Variants in SENP2 observed in about 807,000 individuals in gnomAD.
The protein encoded by SENP2 is SUMO specific peptidase 2.
Under a neutral mutation model 86.3 loss-of-function variants are expected in SENP2, and 16 were observed. The ratio of observed to expected loss-of-function variants is 0.19; its 90% confidence interval spans 0.13 to 0.28. The LOEUF (loss-of-function observed/expected upper bound fraction) is 0.28, where lower values mean the gene tolerates loss of function less well. Among genes scored for constraint, SENP2 ranks in the 10% least tolerant of loss-of-function variants. SENP2 has a pLI of 1.00. For missense variants in SENP2, 552 were observed against 703.0 expected (o/e 0.79, Z 2.43); for synonymous variants, 222 against 238.7 (o/e 0.93, Z 0.64).
intron 16 of SENP2, 90 bp from the exon 17 acceptor site, chr3:185,629,692 A>G: frequency 8.0e-7 from 1 of 1,251,580 alleles, no homozygotes; most frequent in Non-Finnish European, 1.2e-6. Flanking sequence ...GCACATGGAC[A>G]TCCTGCTTTA....
In SENP2 at chr3:185,590,185, T is replaced by G. The variant is rs755311311; in HGVS notation, c.157+16T>G. 2 of 1,408,804 alleles carry G rather than the reference T, an allele frequency of 1.4e-6. No individual in the cohort carries two copies. The highest frequency in any genetic ancestry group is 1.4e-5 in the South Asian group (1 of 70,742). The allele number at this position is 1,408,804 out of a possible 1,614,324, so 87.3% of individuals were successfully genotyped here. A position where few individuals can be genotyped will look rare whatever the true frequency, so the allele number is the denominator to read the frequency against. On this transcript the variant is annotated intron_variant, in intron 2 of 16. Coordinates refer to ENST00000296257, the MANE Select transcript of SENP2 (RefSeq NM_021627.3). ...CCAAGATTAGGTACTGAATATAAAT[T>G]TTAAAAATTTTTAGTTTTTAAATAG...
In SENP2 at chr3:185,626,363, T is replaced by C. The variant is rs1342131651; in HGVS notation, c.1677T>C (p.Ile559=). The C allele has an allele frequency of 6.2e-7, 1 of 1,611,484 alleles. No individual in the cohort carries two copies. The highest frequency in any genetic ancestry group is 8.5e-7 in the Non-Finnish European group (1 of 1,177,764). Residue 559 remains isoleucine (I), a synonymous_variant, in exon 16 of 17, where the codon ATT becomes ATC. Coordinates refer to ENST00000296257, the MANE Select transcript of SENP2 (RefSeq NM_021627.3). ...TTACTTGTAAATATGCAGATTATAT[T>C]TCTAGGGACAAACCTATCACATTTA... is the stretch of plus-strand genomic sequence containing the variant. ...GMFTCKYADY[I]SRDKPITFTQ... is the part of the protein sequence containing the mutation.
chr3:185,603,923 A>G (rs944542288), intron 5 of SENP2, among the ~76,000 whole-genome samples: 16 of 152,060 alleles, frequency 1.1e-4, no homozygotes, highest in African/African-American at 3.9e-4. Flanking sequence ...GGAGTTTGAG[A>G]CCAGCCTGGC....
chr3:185,604,521 C>G (rs543811474), intron 5 of SENP2, among the ~76,000 whole-genome samples: 1 of 152,246 alleles, frequency 6.6e-6, no homozygotes, highest in East Asian at 1.9e-4. Flanking sequence ...GAGTTTTCTA[C>G]CACAATTGTG....
At chr3:185,614,419 C>A in intron 10 of SENP2, 145 bp from the exon 11 acceptor site, 2 of 792,210 alleles carry the variant, frequency 2.5e-6, no homozygotes, top group Non-Finnish European at 3.9e-6. Context: ...CAGGGACAGA[C>A]AGATAGGGTA....
intron 15 of SENP2, among the ~76,000 whole-genome samples, chr3:185,624,601 C>T (rs976977902): frequency 1.3e-5 from 2 of 152,114 alleles, no homozygotes; most frequent in South Asian, 2.1e-4. Flanking sequence ...TTGGGCCAGG[C>T]GCGGTGGCTC....
At chr3:185,603,774 CT>C (rs1454299274) in intron 5 of SENP2, among the ~76,000 whole-genome samples, 1 of 152,194 alleles carries the variant, frequency 6.6e-6, no homozygotes, top group Non-Finnish European at 1.5e-5. Context: ...GTAAGCACTG[CT>C]TAGGTGCATT....
At chr3:185,594,872 G>A (rs914944476) in intron 2 of SENP2, among the ~76,000 whole-genome samples, 2 of 152,052 alleles carry the variant, frequency 1.3e-5, no homozygotes, top group African/African-American at 2.4e-5. Flanking sequence ...ACCCTCCTTG[G>A]CCTCCCAAAG....
chr3:185,590,498 A>G (rs910779004), intron 2 of SENP2, among the ~76,000 whole-genome samples: 2 of 151,700 alleles, frequency 1.3e-5, no homozygotes, highest in African/African-American at 4.8e-5. Context: ...CTGTGAGCCA[A>G]GATGGTGCCA....
At position 185,586,694 on chromosome 3, in the gene SENP2, G is replaced by T. The variant is rs1345649603; in HGVS notation, c.101+180G>T. On this transcript the variant is annotated intron_variant, in intron 1 of 16. Coordinates refer to ENST00000296257, the MANE Select transcript of SENP2 (RefSeq NM_021627.3). The surrounding 1 kb of genome is among the most constrained non-coding windows in gnomAD (Gnocchi z 4.3). Reference sequence around the variant, plus strand: ...GCTCCTGATGAAGGAGGAGCTGGTCGTCTTCGTAGCGGCCGGTGATGGCAG... The same window carrying T: ...GCTCCTGATGAAGGAGGAGCTGGTCTTCTTCGTAGCGGCCGGTGATGGCAG... 1.3e-5 allele frequency among the ~76,000 whole-genome samples: 2 copies of T among 152,238 alleles called. No individual in the cohort carries two copies. The highest frequency in any genetic ancestry group is 2.9e-5 in the Non-Finnish European group (2 of 68,046).
At chr3:185,629,673 TTAGAAA>T (rs1712325558) in intron 16 of SENP2, 103 bp from the exon 17 acceptor site, 1 of 1,062,290 alleles carries the variant, frequency 9.4e-7, no homozygotes, top group African/African-American at 1.6e-5. Context: ...ATGTCAACAC[TTAGAAA>T]AAGCACATGG....
chr3:185,617,765 GT>G, intron 12 of SENP2, among the ~76,000 whole-genome samples, 154 bp downstream of exon 12: 1 of 152,258 alleles, frequency 6.6e-6, no homozygotes, highest in African/African-American at 2.4e-5. Context: ...AAGATGGTTA[GT>G]TCTGATTTTC....
intron 6 of SENP2, among the ~76,000 whole-genome samples, chr3:185,608,250 G>A (rs927441409): frequency 3.9e-5 from 6 of 151,910 alleles, no homozygotes; most frequent in Non-Finnish European, 8.8e-5. Flanking sequence ...AAGATGAGGT[G>A]TTAAATATTT....
chr3:185,629,180 G>A (rs1049912173), intron 16 of SENP2, among the ~76,000 whole-genome samples: 4 of 152,194 alleles, frequency 2.6e-5, no homozygotes, highest in Admixed American at 1.3e-4. Flanking sequence ...AAGTAGAAAA[G>A]TTGCCTATTG....
chr3:185,604,086 G>A lies in SENP2; in HGVS notation c.450-2244G>A, dbSNP rs1034351734. Among the ~76,000 whole-genome samples the A allele has an allele frequency of 3.9e-5, 6 of 152,034 alleles. 1 individual carries two copies. The highest frequency in any genetic ancestry group is 5.9e-5 in the Non-Finnish European group (4 of 68,018). On this transcript the variant is annotated intron_variant, in intron 5 of 16. Coordinates refer to ENST00000296257, the MANE Select transcript of SENP2 (RefSeq NM_021627.3). ...TAATGAGCTGAGATTGGGCCACTGC[G>A]CTCCAGCCTGGGCGACACAGTGAGA...
At chr3:185,609,160 A>T in intron 6 of SENP2, 87 bp from the exon 7 acceptor site, 1 of 838,462 alleles carries the variant, frequency 1.2e-6, no homozygotes, top group Non-Finnish European at 1.9e-6. Flanking sequence ...AGTGCTGGCA[A>T]ATAAAACACA....
At chr3:185,611,798 C>T in intron 8 of SENP2, 53 bp downstream of exon 8, 1 of 1,244,964 alleles carries the variant, frequency 8.0e-7, no homozygotes, top group East Asian at 2.4e-5. Flanking sequence ...GTTCATGCTA[C>T]AGTGTTCATA....
chr3:185,623,985 T>C lies in SENP2; in HGVS notation c.1527-13T>C. ...GATTTATTGATGTATTCCTTCTTTG[T>C]TTTGCTTTTTAGTCAGTATTTACAG... On this transcript the variant is annotated splice_polypyrimidine_tract_variant and intron_variant, in intron 14 of 16. Transcript: ENST00000296257. 6.5e-7 allele frequency: 1 copy of C among 1,534,612 alleles called. No individual in the cohort carries two copies. The highest frequency in any genetic ancestry group is 1.1e-5 in the South Asian group (1 of 87,218).
rs1289805275 is a variant in SENP2 at position 185,604,906 on chromosome 3, C to T, written c.450-1424C>T. Reference sequence around the variant, plus strand: ...GAGTAGCTGGGACTACAGGCATGCACCACCACGCCCAGCTAATTTTTGTAT... The same window carrying T: ...GAGTAGCTGGGACTACAGGCATGCATCACCACGCCCAGCTAATTTTTGTAT... On this transcript the variant is annotated intron_variant, in intron 5 of 16. Transcript: ENST00000296257. Among the ~76,000 whole-genome samples, 3 of 151,640 alleles carry T rather than the reference C, an allele frequency of 2.0e-5. No individual in the cohort carries two copies. In the East Asian group the frequency reaches 6.0e-4, roughly 30 times the overall value.
Sources: allele counts gnomAD v4.1 joint callset (sites outside exome capture counted in the v4.1 genomes callset), GRCh38; gene constraint gnomAD v4.1.1; non-coding constraint Gnocchi (gnomAD v3.1); transcripts MANE v1.5; gene names NCBI Gene and HGNC (gene_info 2026-07-23, HGNC 2026-07-21).